Variants in APOA5 observed in about 807,000 individuals in gnomAD.
APOA5 encodes apolipoprotein A-V.
In APOA5, 26 loss-of-function variants were observed where a neutral mutation model predicts 31.8. That is an observed-to-expected ratio of 0.82 (90% confidence interval 0.60 to 1.13). APOA5 has a LOEUF of 1.13. Ranked by LOEUF, APOA5 falls within the 50% of genes most tolerant of loss-of-function variation. APOA5 has a pLI of 0.00. For missense variants in APOA5, 450 were observed against 488.0 expected, an observed-to-expected ratio of 0.92 and a Z score of 0.73; for synonymous variants, 186 against 198.5, an observed-to-expected ratio of 0.94 and a Z score of 0.53.
rs1940997395 is a variant in APOA5 at position 116,790,910 on chromosome 11, G to A, written c.319C>T (p.Leu107Phe). 6.2e-7 allele frequency: 1 copy of A among 1,613,594 alleles called. No homozygotes were observed. The highest frequency in any genetic ancestry group is 8.5e-7 in the Non-Finnish European group (1 of 1,180,046). ...QEELEEVKAR[L>F]QPYMAEAHEL... ...TGCGCCTCTGCCATGTAGGGCTGGAGGCGAGCCTTCACCTCCTCCAACTCC... is the reference window on the plus strand; with the variant it reads ...TGCGCCTCTGCCATGTAGGGCTGGAAGCGAGCCTTCACCTCCTCCAACTCC... The change falls in exon 3 of 3, where the codon CTC (leucine) becomes TTC (phenylalanine). Residue 107 changes from leucine (L) to phenylalanine (F), a missense_variant. Coordinates refer to ENST00000227665, the MANE Select transcript of APOA5 (RefSeq NM_001371904.1).
chr11:116,790,003 C>T lies in APOA5; in HGVS notation c.*125G>A. 1.9e-6 allele frequency: 2 copies of T among 1,047,728 alleles called. No individual in the cohort carries two copies. Among genetic ancestry groups the T allele is most frequent in the Non-Finnish European group, 2.9e-6 (2 of 696,772 alleles). The allele number at this position is 1,047,728 out of a possible 1,614,324, so 64.9% of individuals were successfully genotyped here. Reference sequence around the variant, plus strand: ...GACAGCAGCCCCTTTGGTGGCCTCCCTGTCCTGCACAGGACCTTCCACCCT... The same window carrying T: ...GACAGCAGCCCCTTTGGTGGCCTCCTTGTCCTGCACAGGACCTTCCACCCT... On this transcript the variant is annotated 3_prime_UTR_variant, in exon 3 of 3. Transcript: ENST00000227665.
Position 116,791,640 on chromosome 11 carries a change from C to T in APOA5, c.107G>A (p.Gly36Glu). Residue 36 changes from glycine to glutamate, a missense_variant, in exon 2 of 3, where the codon GGG becomes GAG. Gly to Glu is a moderately conservative substitution (Grantham distance 98). Transcript: ENST00000227665. ...GATCTGCTCCACCCTGCCTTTGTCCCCGCTGGTCTGGCTGAAGTAGTCCCA... is the reference window on the plus strand; with the variant it reads ...GATCTGCTCCACCCTGCCTTTGTCCTCGCTGGTCTGGCTGAAGTAGTCCCA... ...GFWDYFSQTS[G>E]DKGRVEQIHQ... The T allele has an allele frequency of 6.2e-7, 1 of 1,610,472 alleles. No homozygotes were observed. Among genetic ancestry groups the T allele is most frequent in the Non-Finnish European group, 8.5e-7 (1 of 1,178,344 alleles).
rs369952307 is a variant in APOA5, at chr11:116,790,193, C to G, written c.1036G>C (p.Asp346His). 7 of 1,614,232 alleles carry G rather than the reference C, an allele frequency of 4.3e-6. No individual in the cohort carries two copies. Among genetic ancestry groups the G allele is most frequent in the Non-Finnish European group, 5.9e-6 (7 of 1,180,052 alleles). The change falls in exon 3 of 3, where the codon GAC (aspartate) becomes CAC (histidine). Residue 346 changes from aspartate (D) to histidine (H), a missense_variant. Asp to His is a moderately conservative substitution (Grantham distance 81). Coordinates refer to ENST00000227665, the MANE Select transcript of APOA5 (RefSeq NM_001371904.1). ...VLSKLQARLD[D>H]LWEDITHSLH... ...CTGTGAGTGATGTCTTCCCACAGGT[C>G]ATCCAGACGGGCCTGCAGCTTGCTC...
chr11:116,790,557 G>A lies in APOA5; in HGVS notation c.672C>T (p.Leu224=). Reference sequence around the variant, plus strand: ...GGGAGAGCACCTGCACGCAGCGACTGAGGCGCGCGGGGCTGGCGGGGGCGT... The same window carrying A: ...GGGAGAGCACCTGCACGCAGCGACTAAGGCGCGCGGGGCTGGCGGGGGCGT... ...APHAPASPAR[L]SRCVQVLSRK... The change falls in exon 3 of 3, where the codon CTC becomes CTT. Residue 224 remains leucine (L), a synonymous_variant. Transcript: ENST00000227665. 1.9e-6 allele frequency: 3 copies of A among 1,599,832 alleles called. No homozygotes were observed. Among genetic ancestry groups the A allele is most frequent in the Non-Finnish European group, 2.5e-6 (3 of 1,176,732 alleles).
Position 116,790,083 on chromosome 11 carries a change from G to C in APOA5, c.*45C>G, listed in dbSNP as rs1287583076. Reference sequence around the variant, plus strand: ...ACCATGCTAGAGGCTCAGAGCCAAGGCTCCCCAGACAAGGAGCTGGGAATG... The same window carrying C: ...ACCATGCTAGAGGCTCAGAGCCAAGCCTCCCCAGACAAGGAGCTGGGAATG... On this transcript the variant is annotated 3_prime_UTR_variant, in exon 3 of 3. Coordinates refer to ENST00000227665, the MANE Select transcript of APOA5 (RefSeq NM_001371904.1). 22 of 1,590,220 alleles carry C rather than the reference G, an allele frequency of 1.4e-5. No homozygotes were observed. The highest frequency in any genetic ancestry group is 1.5e-5 in the Non-Finnish European group (17 of 1,163,480).
At chr11:116,791,470 G>A (rs951518434) in intron 2 of APOA5, 116 bp downstream of exon 2, 2 of 1,109,648 alleles carry the variant, frequency 1.8e-6, no homozygotes, top group South Asian at 1.3e-5. Flanking sequence ...AGCTAGCACC[G>A]CTCCTTTCCT....
In APOA5 at chr11:116,790,372, T is replaced by C; in HGVS notation, c.857A>G (p.Gln286Arg). ...CAGGTAGGTGTCCTGGCGGAAAGCC[T>C]GAAGTCGCTGGCGCACCTCCTCGGA... ...MLSEEVRQRL[Q>R]AFRQDTYLQI... The change falls in exon 3 of 3, where the codon CAG (glutamine) becomes CGG (arginine). Residue 286 changes from glutamine (Q) to arginine (R), a missense_variant. Transcript: ENST00000227665. The C allele has an allele frequency of 6.2e-7, 1 of 1,613,030 alleles. No homozygotes were observed. The highest frequency in any genetic ancestry group is 8.5e-7 in the Non-Finnish European group (1 of 1,180,036).
chr11:116,790,584 C>G lies in APOA5; in HGVS notation c.645G>C (p.Pro215=). The G allele has an allele frequency of 6.3e-7, 1 of 1,598,928 alleles. No individual in the cohort carries two copies. Residue 215 remains proline, a synonymous_variant, in exon 3 of 3, where the codon CCG becomes CCC. Coordinates refer to ENST00000227665, the MANE Select transcript of APOA5 (RefSeq NM_001371904.1). ...HVQELHRSVA[P]HAPASPARLS... is the part of the protein sequence containing the mutation. ...GGCGCGCGGGGCTGGCGGGGGCGTGCGGAGCCACACTGCGGTGCAGCTCCT... is the reference window on the plus strand; with the variant it reads ...GGCGCGCGGGGCTGGCGGGGGCGTGGGGAGCCACACTGCGGTGCAGCTCCT...
Position 116,790,117 on chromosome 11 carries a change from CA to C in APOA5, c.*10del. 6.2e-7 allele frequency: 1 copy of C among 1,613,412 alleles called. No homozygotes were observed. On this transcript the variant is annotated 3_prime_UTR_variant, in exon 3 of 3. Transcript: ENST00000227665. ...ACAAGGAGCTGGGAATGGGCCTGGG[CA>C]GGTAGATCCTCAGGGGTCCCCCAGA...
In APOA5 at chr11:116,791,003, G is replaced by A. The variant is rs1038704562; in HGVS notation, c.226C>T (p.Pro76Ser). 2 of 1,611,266 alleles carry A rather than the reference G, an allele frequency of 1.2e-6. No homozygotes were observed. The highest frequency in any genetic ancestry group is 1.7e-6 in the Non-Finnish European group (2 of 1,178,850). The change falls in exon 3 of 3, where the codon CCT becomes TCT. Residue 76 changes from proline (P) to serine (S), a missense_variant. Physicochemically the swap from Pro to Ser is moderately conservative, Grantham distance 74. Transcript: ENST00000227665. ...CGAGGAGCCTCGCTCCCACTCAGAG[G>A]CCTCAGCTTTTCCAGGAACTTGTTC... ...NMNKFLEKLR[P>S]LSGSEAPRLP...
chr11:116,791,081 C>A lies in APOA5; in HGVS notation c.162-14G>T. 1 of 1,596,436 alleles carries A rather than the reference C, an allele frequency of 6.3e-7. No individual in the cohort carries two copies. Among genetic ancestry groups the A allele is most frequent in the South Asian group, 1.1e-5 (1 of 90,390 alleles). Reference sequence around the variant, plus strand: ...TCTTTCAGGGTCCTGGAGAAGGGGACAGATATCCAGGCCGTCAGACTGCTA... The same window carrying A: ...TCTTTCAGGGTCCTGGAGAAGGGGAAAGATATCCAGGCCGTCAGACTGCTA... On this transcript the variant is annotated splice_polypyrimidine_tract_variant and intron_variant, in intron 2 of 2. Transcript: ENST00000227665.
At chr11:116,791,944 G>A, upstream of APOA5, 1 of 1,498,958 alleles carries the variant, frequency 6.7e-7, no homozygotes, top group South Asian at 1.2e-5. Flanking sequence ...GACTTGCCCA[G>A]GGGGCCTCTG....
In APOA5 at chr11:116,790,775, G is replaced by T. The variant is rs916656857; in HGVS notation, c.454C>A (p.Arg152Ser). The change falls in exon 3 of 3, where the codon CGC becomes AGC. Residue 152 changes from arginine to serine, a missense_variant. Physicochemically the swap from Arg to Ser is moderately radical, Grantham distance 110 (BLOSUM62 -1). Coordinates refer to ENST00000227665, the MANE Select transcript of APOA5 (RefSeq NM_001371904.1). Reference protein sequence around the residue: ...LRVQELQEQLRVVGEDTKAQL... With the variant: ...LRVQELQEQLSVVGEDTKAQL... ...GCCTTGGTGTCTTCCCCCACCACGC[G>T]CAACTGCTCCTGCAGCTCCTGCACG... 6.2e-7 allele frequency: 1 copy of T among 1,613,354 alleles called. No individual in the cohort carries two copies. Among genetic ancestry groups the T allele is most frequent in the Non-Finnish European group, 8.5e-7 (1 of 1,179,970 alleles).
Position 116,790,533 on chromosome 11 carries a change from G to T in APOA5, c.696C>A (p.Ser232=), listed in dbSNP as rs146781249. 75 of 1,598,800 alleles carry T rather than the reference G, an allele frequency of 4.7e-5. No individual in the cohort carries two copies. Among genetic ancestry groups the T allele is most frequent in the Middle Eastern group, 1.7e-4 (1 of 6,056 alleles). Residue 232 remains serine, a synonymous_variant, in exon 3 of 3, where the codon TCC becomes TCA. Transcript: ENST00000227665. ...ARLSRCVQVL[S]RKLTLKAKAL... ...CCTTGGCCTTGAGCGTGAGCTTCCGGGAGAGCACCTGCACGCAGCGACTGA... is the reference window on the plus strand; with the variant it reads ...CCTTGGCCTTGAGCGTGAGCTTCCGTGAGAGCACCTGCACGCAGCGACTGA...
chr11:116,789,530 A>C lies in APOA5; in HGVS notation c.*598T>G. On this transcript the variant is annotated 3_prime_UTR_variant, in exon 3 of 3. Coordinates refer to ENST00000227665, the MANE Select transcript of APOA5 (RefSeq NM_001371904.1). ...CAGTCCCTTATTTAGGTGTAGAGCT[A>C]TGTCAGGAAACATGGGCTCTGCCCT... is the stretch of plus-strand genomic sequence containing the variant. 12 of 159,554 alleles carry C rather than the reference A, an allele frequency of 7.5e-5. No individual in the cohort carries two copies. The highest frequency in any genetic ancestry group is 5.4e-4 in the South Asian group (3 of 5,528). The allele number at this position is 159,554 out of a possible 1,614,324, so 9.9% of individuals were successfully genotyped here.
At position 116,790,608 on chromosome 11, in the gene APOA5, C is replaced by A; in HGVS notation, c.621G>T (p.Gln207His). 1 of 1,607,428 alleles carries A rather than the reference C, an allele frequency of 6.2e-7. No individual in the cohort carries two copies. Among genetic ancestry groups the A allele is most frequent in the Non-Finnish European group, 8.5e-7 (1 of 1,179,590 alleles). Residue 207 changes from glutamine (Q) to histidine (H), a missense_variant, in exon 3 of 3, where the codon CAG becomes CAT. Coordinates refer to ENST00000227665, the MANE Select transcript of APOA5 (RefSeq NM_001371904.1). ...GCGGAGCCACACTGCGGTGCAGCTC[C>A]TGCACGTGGCGCCCGATGCCGCTCA... ...SLVSGIGRHV[Q>H]ELHRSVAPHA...
At chr11:116,791,369 G>A in intron 2 of APOA5, 1 of 708,630 alleles carries the variant, frequency 1.4e-6, no homozygotes, top group Non-Finnish European at 2.5e-6. Flanking sequence ...GCGCCTCAGT[G>A]AGCAAGGGGG....
At position 116,790,066 on chromosome 11, in the gene APOA5, A is replaced by G; in HGVS notation, c.*62T>C. 6.5e-7 allele frequency: 1 copy of G among 1,547,046 alleles called. No individual in the cohort carries two copies. Among genetic ancestry groups the G allele is most frequent in the Non-Finnish European group, 8.8e-7 (1 of 1,131,228 alleles). ...CCACTTTCAAGGACTGAACCATGCT[A>G]GAGGCTCAGAGCCAAGGCTCCCCAG... On this transcript the variant is annotated 3_prime_UTR_variant, in exon 3 of 3. Coordinates refer to ENST00000227665, the MANE Select transcript of APOA5 (RefSeq NM_001371904.1).
chr11:116,791,327 A>G, intron 2 of APOA5: 1 of 703,318 alleles, frequency 1.4e-6, no homozygotes, highest in Non-Finnish European at 2.6e-6. Context: ...TGGGGACTGC[A>G]GCGGGCGTCC....
Sources: gnomAD v4.1 joint callset for allele counts on GRCh38, gnomAD v4.1.1 for gene constraint, MANE v1.5 for transcripts, NCBI Gene and HGNC (gene_info 2026-07-23, HGNC 2026-07-21) for gene names.